The following PLCH1 variants were observed in gnomAD, a reference collection of about 807,000 sequenced individuals.
PLCH1 encodes the protein phospholipase C eta 1.
PLCH1 carries 60 observed loss-of-function variants against 126.7 expected under a neutral mutation model. The observed-to-expected ratio is 0.47, with a 90% confidence interval of 0.38 to 0.59. The LOEUF (loss-of-function observed/expected upper bound fraction) is 0.59, where lower values mean the gene tolerates loss of function less well. PLCH1 is among the 20% of genes least tolerant of loss of function. The pLI is 0.00. For synonymous variants in PLCH1, 719 were observed against 734.9 expected (o/e 0.98, Z 0.35); for missense variants, 1,723 against 2,040.0 (o/e 0.84, Z 2.99).
chr3:155,627,259 A>G (rs948990836), intron 2 of PLCH1, among the ~76,000 whole-genome samples: 1 of 152,174 alleles, frequency 6.6e-6, no homozygotes, highest in Non-Finnish European at 1.5e-5. Context: ...ATACTGACAT[A>G]ATGAAGCAAA....
intron 2 of PLCH1, among the ~76,000 whole-genome samples, chr3:155,655,827 A>AAAAGAAT (rs1362099949): frequency 5.3e-5 from 8 of 152,354 alleles, no homozygotes; most frequent in Non-Finnish European, 1.2e-4. Flanking sequence ...AAGCATTCAG[A>AAAAGAAT]AAAGAATTAA....
At chr3:155,547,429 T>G (rs1560147717) in intron 10 of PLCH1, among the ~76,000 whole-genome samples, 1 of 114,034 alleles carries the variant, frequency 8.8e-6, no homozygotes, top group Non-Finnish European at 2.0e-5. Flanking sequence ...GGAACACTTT[T>G]ACACTGTTGG....
chr3:155,545,313 A>T (rs1725085046), intron 10 of PLCH1, among the ~76,000 whole-genome samples: 1 of 152,020 alleles, frequency 6.6e-6, no homozygotes, highest in Admixed American at 6.6e-5. Flanking sequence ...TCCTCGACAC[A>T]TACACCCTCC....
At chr3:155,568,958 T>C (rs1004974074) in intron 6 of PLCH1, among the ~76,000 whole-genome samples, 7 of 152,180 alleles carry the variant, frequency 4.6e-5, no homozygotes, top group African/African-American at 1.4e-4. Flanking sequence ...TAGTGTGACA[T>C]TGAAGAGGTT....
chr3:155,743,424 C>T (rs768645483), intron 1 of PLCH1: 70 of 389,318 alleles, frequency 1.8e-4, no homozygotes, highest in Non-Finnish European at 5.4e-5. Flanking sequence ...CCCAGATACT[C>T]GGGAGGCTGA....
chr3:155,737,783 A>T (rs1466230103), intron 1 of PLCH1, among the ~76,000 whole-genome samples: 1 of 152,136 alleles, frequency 6.6e-6, no homozygotes, highest in African/African-American at 2.4e-5. Context: ...GACCTGAAAA[A>T]CCTGTGTAGA....
intron 2 of PLCH1, among the ~76,000 whole-genome samples, chr3:155,681,185 AT>A (rs1417352341): frequency 3.9e-5 from 6 of 152,200 alleles, no homozygotes; most frequent in South Asian, 4.1e-4. Context: ...TCAGAAAAAA[AT>A]AACATTATTT....
At chr3:155,650,184 G>A (rs1031798512) in intron 2 of PLCH1, among the ~76,000 whole-genome samples, 3 of 151,792 alleles carry the variant, frequency 2.0e-5, no homozygotes, top group Non-Finnish European at 2.9e-5. Context: ...ATTATATCAT[G>A]TGACTGTCAC....
chr3:155,576,090 T>A (rs1199441868), intron 6 of PLCH1, among the ~76,000 whole-genome samples: 2 of 151,982 alleles, frequency 1.3e-5, no homozygotes, highest in Non-Finnish European at 1.5e-5. Flanking sequence ...TGAAATCAAA[T>A]TGTCACTCCA....
intron 2 of PLCH1, among the ~76,000 whole-genome samples, chr3:155,601,977 G>A (rs1733800267): frequency 6.6e-6 from 1 of 151,996 alleles, no homozygotes; most frequent in Non-Finnish European, 1.5e-5. Context: ...CTTTCACTAA[G>A]CATAATGTTT....
At chr3:155,664,290 C>A (rs916090305) in intron 2 of PLCH1, among the ~76,000 whole-genome samples, 3 of 152,214 alleles carry the variant, frequency 2.0e-5, no homozygotes, top group African/African-American at 7.2e-5. Context: ...AATTACCTTC[C>A]AGCTGCATAA....
At chr3:155,472,038 G>A (rs574563464) in intron 21 of PLCH1, among the ~76,000 whole-genome samples, 2,917 of 152,044 alleles carry the variant, frequency 0.019, 94 homozygotes, top group African/African-American at 0.066. Context: ...AAGAGCAAAC[G>A]CATTCAAAAG....
At chr3:155,739,866 A>G (rs1749488506) in intron 1 of PLCH1, among the ~76,000 whole-genome samples, 1 of 152,232 alleles carries the variant, frequency 6.6e-6, no homozygotes, top group Non-Finnish European at 1.5e-5. Flanking sequence ...AAGACATAAA[A>G]TAAGTGCCAT....
intron 6 of PLCH1, among the ~76,000 whole-genome samples, chr3:155,581,369 G>C (rs966207510): frequency 6.6e-6 from 1 of 152,124 alleles, no homozygotes; most frequent in Non-Finnish European, 1.5e-5. Flanking sequence ...AGCGTTATTC[G>C]TAACAGCCCC....
chr3:155,729,302 G>A (rs766089608), intron 1 of PLCH1, among the ~76,000 whole-genome samples: 180 of 152,288 alleles, frequency 1.2e-3, no homozygotes, highest in Admixed American at 2.0e-3. Flanking sequence ...CAGCAATAAG[G>A]AGTGCAGCTC....
chr3:155,531,325 T>C (rs900740172), intron 10 of PLCH1, among the ~76,000 whole-genome samples: 3 of 152,190 alleles, frequency 2.0e-5, no homozygotes, highest in Admixed American at 6.5e-5. Context: ...TTTGTTTACA[T>C]TGAAAATCTG....
chr3:155,602,751 T>C (rs1257497615), intron 2 of PLCH1, among the ~76,000 whole-genome samples: 1 of 152,208 alleles, frequency 6.6e-6, no homozygotes, highest in Non-Finnish European at 1.5e-5. Flanking sequence ...CACTGTCATA[T>C]ATGTGGTCCA....
chr3:155,634,288 C>T (rs149420517), intron 2 of PLCH1, among the ~76,000 whole-genome samples: 17 of 152,342 alleles, frequency 1.1e-4, no homozygotes, highest in Non-Finnish European at 2.1e-4. Flanking sequence ...TGCTCTGTTA[C>T]ACCTGTGCCC....
At chr3:155,727,028 TTTGA>T (rs1748388093) in intron 1 of PLCH1, among the ~76,000 whole-genome samples, 1 of 151,872 alleles carries the variant, frequency 6.6e-6, no homozygotes, top group Non-Finnish European at 1.5e-5. Context: ...CTCAAATTCT[TTTGA>T]TTAATTTTCT....
Sources: gnomAD v4.1 joint callset for allele counts (sites outside exome capture counted in the v4.1 genomes callset) on GRCh38, gnomAD v4.1.1 for gene constraint, MANE v1.5 for transcripts, NCBI Gene and HGNC (gene_info 2026-07-23, HGNC 2026-07-21) for gene names.